BMPR2: variants seen among roughly 807,000 people sequenced by gnomAD.
The protein encoded by BMPR2 is bone morphogenetic protein receptor type 2.
In BMPR2, 29 loss-of-function variants were observed where a neutral mutation model predicts 100.8. The ratio of observed to expected loss-of-function variants is 0.29; its 90% CI spans 0.21 to 0.39. The LOEUF is 0.39. BMPR2 is among the 10% of genes least tolerant of loss of function. BMPR2 has a pLI of 1.00. For missense variants in BMPR2, 1,011 were observed against 1,274.5 expected (o/e 0.79, Z 3.15); for synonymous variants, 382 against 442.3 (o/e 0.86, Z 1.71).
In BMPR2 at chr2:202,437,067, G is replaced by C. The variant is rs1299039025; in HGVS notation, c.77-27742G>C. On this transcript the variant is annotated intron_variant, in intron 1 of 12. Coordinates refer to ENST00000374580, the MANE Select transcript of BMPR2 (RefSeq NM_001204.7). Reference sequence around the variant, plus strand: ...TGGTCCGAGGCTGGAGTGCAGTGGCGTGATCTCGGCTCACTGCAACCTCTG... The same window carrying C: ...TGGTCCGAGGCTGGAGTGCAGTGGCCTGATCTCGGCTCACTGCAACCTCTG... Among the ~76,000 whole-genome samples the C allele has an allele frequency of 2.0e-5, 3 of 150,330 alleles. 1 individual carries two copies. Among genetic ancestry groups the C allele is most frequent in the African/African-American group, 7.5e-5 (3 of 39,742 alleles).
chr2:202,520,537 G>A (rs998753937), intron 7 of BMPR2: 22 of 335,860 alleles, frequency 6.6e-5, no homozygotes, highest in South Asian at 6.4e-4. Flanking sequence ...ACAAGTTAAA[G>A]TATCTAGCCT....
chr2:202,553,688 TTTTG>T (rs978028287), intron 11 of BMPR2, among the ~76,000 whole-genome samples: 14 of 152,122 alleles, frequency 9.2e-5, no homozygotes, highest in Non-Finnish European at 1.9e-4. Flanking sequence ...TTTTGTTTTT[TTTTG>T]TTTGTTTGTT....
At chr2:202,524,591 T>C (rs1455978078) in intron 7 of BMPR2, among the ~76,000 whole-genome samples, 1 of 151,746 alleles carries the variant, frequency 6.6e-6, no homozygotes, top group African/African-American at 2.4e-5. Flanking sequence ...ACCAACATGG[T>C]GAAACCCTGT....
chr2:202,386,920 T>A (rs993408656), intron 1 of BMPR2, among the ~76,000 whole-genome samples: 2 of 152,150 alleles, frequency 1.3e-5, no homozygotes, highest in Non-Finnish European at 2.9e-5. Context: ...CCTGACCTCG[T>A]GATCTGCCCA....
rs529276366 is a variant in BMPR2 at position 202,497,597 on chromosome 2, G to T, written c.419-16122G>T. Among the ~76,000 whole-genome samples the T allele has an allele frequency of 2.0e-5, 3 of 152,246 alleles. No individual in the cohort carries two copies. In the South Asian group the frequency reaches 6.2e-4, roughly 32 times the overall value. ...AAGAGGAAAGCCATGCAGCTCCGGG[G>T]TCCCAACAACAAGTTGGTTGACCCT... is the stretch of plus-strand genomic sequence containing the variant. On this transcript the variant is annotated intron_variant, in intron 3 of 12. Transcript: ENST00000374580.
At chr2:202,517,901 C>T (rs1304452653) in intron 5 of BMPR2, among the ~76,000 whole-genome samples, 21 of 148,630 alleles carry the variant, frequency 1.4e-4, no homozygotes, top group African/African-American at 5.2e-4. Flanking sequence ...CAAGCTCTGC[C>T]TCCCAGGTTC....
At chr2:202,429,381 C>G (rs1465226745) in intron 1 of BMPR2, among the ~76,000 whole-genome samples, 1 of 152,152 alleles carries the variant, frequency 6.6e-6, no homozygotes, top group African/African-American at 2.4e-5. Flanking sequence ...ACTCTGCATT[C>G]CAGTAACACT....
At chr2:202,524,090 C>T (rs1471192405) in intron 7 of BMPR2, among the ~76,000 whole-genome samples, 3 of 151,314 alleles carry the variant, frequency 2.0e-5, no homozygotes, top group African/African-American at 4.9e-5. Flanking sequence ...GGGCCGGACG[C>T]GGTGGCTCAC....
At chr2:202,556,575 G>T in intron 12 of BMPR2, 44 bp downstream of exon 12, 1 of 1,590,876 alleles carries the variant, frequency 6.3e-7, no homozygotes, top group Non-Finnish European at 8.6e-7. Context: ...GTCTTTTGGG[G>T]CCATTTAAAT....
chr2:202,378,616 A>G (rs1690206783), intron 1 of BMPR2, among the ~76,000 whole-genome samples: 1 of 152,178 alleles, frequency 6.6e-6, no homozygotes, highest in African/African-American at 2.4e-5. Context: ...GTTTCCTTTT[A>G]TGCTTTTGCT....
intron 1 of BMPR2, among the ~76,000 whole-genome samples, chr2:202,399,896 G>A (rs1050543474): frequency 7.9e-5 from 12 of 152,198 alleles, no homozygotes; most frequent in Non-Finnish European, 1.5e-4. Context: ...AGGATTACTT[G>A]ATCCCAGGAG....
intron 3 of BMPR2, among the ~76,000 whole-genome samples, chr2:202,477,500 A>G (rs1000317088): frequency 4.6e-5 from 7 of 152,174 alleles, no homozygotes; most frequent in African/African-American, 1.7e-4. Flanking sequence ...GAAAAAAAAT[A>G]AAAGCTAAGC....
chr2:202,476,517 G>A (rs1692555508), intron 3 of BMPR2, among the ~76,000 whole-genome samples: 1 of 152,140 alleles, frequency 6.6e-6, no homozygotes, highest in Admixed American at 6.5e-5. Context: ...GGCTGGGTGC[G>A]GTGGCTCATG....
chr2:202,387,402 T>C (rs1283756946), intron 1 of BMPR2, among the ~76,000 whole-genome samples: 1 of 152,194 alleles, frequency 6.6e-6, no homozygotes, highest in East Asian at 1.9e-4. Context: ...ATTCTGCAGA[T>C]GAGTAAACTG....
intron 12 of BMPR2, among the ~76,000 whole-genome samples, chr2:202,557,560 G>C (rs1042621790): frequency 7.9e-5 from 12 of 151,256 alleles, no homozygotes; most frequent in Non-Finnish European, 1.8e-4. Flanking sequence ...CCAGCTACTT[G>C]GGAAGCTGAG....
intron 1 of BMPR2, among the ~76,000 whole-genome samples, chr2:202,386,960 G>A (rs532846739): frequency 1.3e-5 from 2 of 152,170 alleles, no homozygotes; most frequent in African/African-American, 4.8e-5. Flanking sequence ...TAGGATTACA[G>A]GTGTGAGCCA....
At chr2:202,471,644 G>A (rs1054155581) in intron 3 of BMPR2, among the ~76,000 whole-genome samples, 7 of 152,088 alleles carry the variant, frequency 4.6e-5, no homozygotes, top group Non-Finnish European at 7.4e-5. Flanking sequence ...TCAAAAATGC[G>A]AATGTCATAT....
chr2:202,546,053 T>C (rs62194113), intron 10 of BMPR2, among the ~76,000 whole-genome samples: 11,210 of 152,290 alleles, frequency 0.074, 527 homozygotes, highest in Middle Eastern at 0.11. Context: ...TTATGAGATA[T>C]GCATCATATG....
chr2:202,556,878 AG>A (rs1342922936), intron 12 of BMPR2, among the ~76,000 whole-genome samples: 1 of 150,898 alleles, frequency 6.6e-6, no homozygotes, highest in African/African-American at 2.4e-5. Context: ...TGAGATCAGG[AG>A]TTCAAGACCA....
Sources: allele counts gnomAD v4.1 joint callset (sites outside exome capture counted in the v4.1 genomes callset), GRCh38; gene constraint gnomAD v4.1.1; transcripts MANE v1.5; gene names NCBI Gene and HGNC (gene_info 2026-07-23, HGNC 2026-07-21).